Variants in NRCAM observed in about 807,000 individuals in gnomAD.
NRCAM encodes the protein NgCAM-related cell adhesion molecule.
In NRCAM, 83 loss-of-function variants were observed where a neutral mutation model predicts 156.5. That is an observed-to-expected ratio of 0.53 (90% confidence interval 0.44 to 0.64). NRCAM has a LOEUF of 0.64. Ranked by LOEUF, NRCAM falls within the 30% of genes least tolerant of loss-of-function variation. NRCAM has a pLI of 0.00. For missense variants in NRCAM, 1,417 were observed against 1,597.3 expected, an observed-to-expected ratio of 0.89 and a Z score of 1.92; for synonymous variants, 538 against 563.9, an observed-to-expected ratio of 0.95 and a Z score of 0.65.
rs964261808 is a variant in NRCAM, at chr7:108,177,515, C to T, written c.2974+475G>A. On this transcript the variant is annotated intron_variant, in intron 26 of 32. Coordinates refer to ENST00000379028, the MANE Select transcript of NRCAM (RefSeq NM_001037132.4). Reference sequence around the variant, plus strand: ...GTGGGCGTCTGTAGTCCCAGCTACTCGGGAGGCTGACGGAGGAGAATGGTG... The same window carrying T: ...GTGGGCGTCTGTAGTCCCAGCTACTTGGGAGGCTGACGGAGGAGAATGGTG... 8.6e-5 allele frequency among the ~76,000 whole-genome samples: 13 copies of T among 151,912 alleles called. No individual in the cohort carries two copies. The South Asian group carries it at 1.9e-3, about 22-fold the overall frequency.
intron 4 of NRCAM, among the ~76,000 whole-genome samples, chr7:108,239,169 A>G (rs2095359880): frequency 6.6e-6 from 1 of 152,144 alleles, no homozygotes; most frequent in South Asian, 2.1e-4. Flanking sequence ...GGTGGAACCT[A>G]GCATTATCTT....
chr7:108,264,655 G>T (rs1435242095), intron 3 of NRCAM, among the ~76,000 whole-genome samples: 2 of 152,180 alleles, frequency 1.3e-5, no homozygotes, highest in African/African-American at 4.8e-5. Flanking sequence ...GCAACCCATT[G>T]CTTCTTGTGG....
At position 108,166,903 on chromosome 7, in the gene NRCAM, G is replaced by A. The variant is rs1443874380; in HGVS notation, c.3466+18C>T. 1.2e-6 allele frequency: 2 copies of A among 1,612,756 alleles called. No individual in the cohort carries two copies. Among genetic ancestry groups the A allele is most frequent in the Non-Finnish European group, 1.7e-6 (2 of 1,179,376 alleles). On this transcript the variant is annotated intron_variant, in intron 30 of 32. Transcript: ENST00000379028. ...CACCTCTGAGCGGGAGCCAGAACAG[G>A]TGTGGTGTGAGCCTCACCTGGGCCT...
chr7:108,236,813 G>A (rs2095065194), intron 5 of NRCAM, among the ~76,000 whole-genome samples: 1 of 151,810 alleles, frequency 6.6e-6, no homozygotes, highest in South Asian at 2.1e-4. Flanking sequence ...CACATCCAAG[G>A]AATAGTGGCC....
intron 10 of NRCAM, among the ~76,000 whole-genome samples, chr7:108,224,535 C>T (rs1399326235): frequency 6.6e-6 from 1 of 152,054 alleles, no homozygotes; most frequent in Non-Finnish European, 1.5e-5. Context: ...TTATGGAGGC[C>T]TTTCCAAAAC....
intron 13 of NRCAM, among the ~76,000 whole-genome samples, chr7:108,200,461 T>C (rs550992088): frequency 2.4e-4 from 37 of 151,964 alleles, no homozygotes; most frequent in African/African-American, 8.7e-4. Context: ...GAAAATGCAG[T>C]GTAACTTAGG....
chr7:108,159,642 T>C, intron 31 of NRCAM, 101 bp from the exon 32 acceptor site: 1 of 832,930 alleles, frequency 1.2e-6, no homozygotes, highest in Non-Finnish European at 2.0e-6. Context: ...GAAAAATAAT[T>C]CCATACACAA....
chr7:108,286,036 T>C (rs1402830635), intron 3 of NRCAM, among the ~76,000 whole-genome samples: 1 of 152,214 alleles, frequency 6.6e-6, no homozygotes, highest in Non-Finnish European at 1.5e-5. Flanking sequence ...AGCCTTATAG[T>C]TTCTGTCGAA....
intron 1 of NRCAM, among the ~76,000 whole-genome samples, chr7:108,404,757 G>T (rs1200672203): frequency 6.6e-6 from 1 of 152,184 alleles, no homozygotes; most frequent in African/African-American, 2.4e-5. Flanking sequence ...GAGGACTAAT[G>T]GTCCAAGGTT....
At chr7:108,291,546 T>C (rs2098290440) in intron 3 of NRCAM, among the ~76,000 whole-genome samples, 1 of 152,222 alleles carries the variant, frequency 6.6e-6, no homozygotes, top group Admixed American at 6.5e-5. Flanking sequence ...CTAACGATAG[T>C]TATCACTGAC....
At chr7:108,179,245 C>G (rs376375) in intron 25 of NRCAM, among the ~76,000 whole-genome samples, 117,010 of 152,092 alleles carry the variant, frequency 0.77, 46,169 homozygotes, top group East Asian at 0.94. Flanking sequence ...CAGTCCCCAG[C>G]TTGTGAAAAC....
At chr7:108,152,552 A>G (rs1563156411) in intron 32 of NRCAM, among the ~76,000 whole-genome samples, 1 of 152,144 alleles carries the variant, frequency 6.6e-6, no homozygotes, top group Non-Finnish European at 1.5e-5. Flanking sequence ...GTTTCAAAGA[A>G]TAAGTGACAT....
intron 1 of NRCAM, among the ~76,000 whole-genome samples, chr7:108,405,955 ATTT>A (rs10643404): frequency 1.6e-5 from 2 of 128,122 alleles, no homozygotes; most frequent in East Asian, 2.5e-4. Flanking sequence ...TGCCTCTACA[ATTT>A]TTTTTTTTTT....
At chr7:108,372,559 CAAA>C (rs1731530325) in intron 2 of NRCAM, among the ~76,000 whole-genome samples, 1 of 143,590 alleles carries the variant, frequency 7.0e-6, no homozygotes, top group South Asian at 2.4e-4. Context: ...GACATTTCTC[CAAA>C]GAAGAAAGAG....
At chr7:108,288,913 G>C (rs2098194705) in intron 3 of NRCAM, among the ~76,000 whole-genome samples, 1 of 152,034 alleles carries the variant, frequency 6.6e-6, no homozygotes, top group Non-Finnish European at 1.5e-5. Flanking sequence ...TTTAGACCTT[G>C]GGTCTCTTTT....
chr7:108,163,764 T>G (rs1332586674), intron 30 of NRCAM, among the ~76,000 whole-genome samples: 1 of 146,840 alleles, frequency 6.8e-6, no homozygotes, highest in Non-Finnish European at 1.5e-5. Context: ...TGAGCAGTCA[T>G]ACCAGGTGGG....
intron 8 of NRCAM, among the ~76,000 whole-genome samples, 198 bp downstream of exon 8, chr7:108,230,833 G>C (rs548090492): frequency 6.6e-6 from 1 of 151,826 alleles, no homozygotes; most frequent in East Asian, 1.9e-4. Context: ...CCACTGCAAA[G>C]AATATAAGCA....
chr7:108,241,590 C>G (rs973497337), intron 3 of NRCAM, among the ~76,000 whole-genome samples: 2 of 152,068 alleles, frequency 1.3e-5, no homozygotes, highest in African/African-American at 4.8e-5. Flanking sequence ...CTCCTCAGGG[C>G]AGGGATGGCA....
At chr7:108,335,572 C>A (rs1466356642) in intron 2 of NRCAM, among the ~76,000 whole-genome samples, 2 of 149,886 alleles carry the variant, frequency 1.3e-5, no homozygotes, top group African/African-American at 4.9e-5. Context: ...CTCTTCTATT[C>A]CTTAGATGCA....
Sources: allele counts gnomAD v4.1 joint callset (sites outside exome capture counted in the v4.1 genomes callset), GRCh38; gene constraint gnomAD v4.1.1; transcripts MANE v1.5; gene names NCBI Gene and HGNC (gene_info 2026-07-23, HGNC 2026-07-21).